ABCB5: variants seen among roughly 807,000 people sequenced by gnomAD.
ABCB5 encodes ATP-binding cassette sub-family B member 5.
In ABCB5, 155 loss-of-function variants were observed where a neutral mutation model predicts 144.2. That is an observed-to-expected ratio of 1.08 (90% CI 0.94 to 1.23). The LOEUF is 1.23. ABCB5 is among the 50% of genes most tolerant of loss of function. The pLI is 0.00. For synonymous variants in ABCB5, 610 were observed against 528.6 expected (o/e 1.15, Z -2.11); for missense variants, 1,830 against 1,520.8 (o/e 1.20, Z -3.38).
rs564540499 is a variant in ABCB5, at chr7:20,704,307, A to T, written c.2338-417A>T. 3.4e-4 allele frequency among the ~76,000 whole-genome samples: 51 copies of T among 151,622 alleles called. 1 individual carries two copies. Among genetic ancestry groups the T allele is most frequent in the African/African-American group, 1.2e-3 (51 of 41,378 alleles). On this transcript the variant is annotated intron_variant, in intron 19 of 27. Transcript: ENST00000404938. ...GGCCAGGCTGGTCTCGACCCCCTAG[A>T]CTCAATCCTCCCACCTTGGCCTTCC... is the stretch of plus-strand genomic sequence containing the variant.
chr7:20,745,150 T>C lies in ABCB5; in HGVS notation c.3223-82T>C, dbSNP rs544722203. On this transcript the variant is annotated intron_variant, in intron 25 of 27. Coordinates refer to ENST00000404938, the MANE Select transcript of ABCB5 (RefSeq NM_001163941.2). ...AATTCCTATCCTTCTTGTTATGATT[T>C]GTGTGTGTTTGAATACAGTGAACTG... 3 of 1,343,520 alleles carry C rather than the reference T, an allele frequency of 2.2e-6. No homozygotes were observed. The South Asian group carries it at 3.6e-5, about 16-fold the overall frequency. The allele number at this position is 1,343,520 out of a possible 1,614,324, so 83.2% of individuals were successfully genotyped here.
intron 23 of ABCB5, among the ~76,000 whole-genome samples, chr7:20,738,352 T>C (rs2128054094): frequency 6.6e-6 from 1 of 152,360 alleles, no homozygotes; most frequent in African/African-American, 2.4e-5. Context: ...ATTTGCACAC[T>C]TACCATTTTA....
At position 20,623,249 on chromosome 7, in the gene ABCB5, TA is replaced by T; in HGVS notation, c.-21-12del. 1 of 1,392,702 alleles carries T rather than the reference TA, an allele frequency of 7.2e-7. No individual in the cohort carries two copies. The highest frequency in any genetic ancestry group is 1.2e-5 in the South Asian group (1 of 80,732). 86.3% of individuals were successfully genotyped at this position (1,392,702 alleles called of 1,614,324 possible). ...AGTCACATAGCCATAATACATTTGT[TA>T]AAATTGTATTTCAGAAGAAGTAAAT... On this transcript the variant is annotated splice_polypyrimidine_tract_variant and intron_variant, in intron 1 of 27. Coordinates refer to ENST00000404938, the MANE Select transcript of ABCB5 (RefSeq NM_001163941.2).
intron 14 of ABCB5, among the ~76,000 whole-genome samples, chr7:20,664,118 T>C (rs564277505): frequency 1.3e-5 from 2 of 151,826 alleles, no homozygotes; most frequent in East Asian, 1.9e-4. Context: ...AATAAAAGAA[T>C]AGTGACAAAG....
At chr7:20,683,184 A>G (rs952024445) in intron 15 of ABCB5, among the ~76,000 whole-genome samples, 4 of 152,168 alleles carry the variant, frequency 2.6e-5, no homozygotes, top group East Asian at 1.9e-4. Context: ...AACTTTCTCC[A>G]TTGTGCTAAA....
At chr7:20,618,237 T>C (rs1036836441) in intron 1 of ABCB5, among the ~76,000 whole-genome samples, 4 of 152,164 alleles carry the variant, frequency 2.6e-5, no homozygotes, top group African/African-American at 9.7e-5. Flanking sequence ...AACTACTAAC[T>C]TACTTTTTTC....
At chr7:20,663,405 C>T (rs569944925) in intron 14 of ABCB5, among the ~76,000 whole-genome samples, 4 of 152,216 alleles carry the variant, frequency 2.6e-5, no homozygotes, top group African/African-American at 9.6e-5. Context: ...TGGAATACTA[C>T]CAGTTTTTAA....
At chr7:20,647,399 G>A (rs1472252031) in intron 9 of ABCB5, 136 bp from the exon 10 acceptor site, 3 of 1,382,288 alleles carry the variant, frequency 2.2e-6, no homozygotes, top group Non-Finnish European at 2.8e-6. Flanking sequence ...TTTTTATTTG[G>A]TCATATCTTC....
rs148011029 is a variant in ABCB5 at position 20,675,666 on chromosome 7, C to T, written c.1708-5839C>T. Among the ~76,000 whole-genome samples the T allele has an allele frequency of 6.5e-3, 983 of 151,418 alleles. 12 individuals are homozygous for T. Among genetic ancestry groups the T allele is most frequent in the Middle Eastern group, 0.02 (6 of 294 alleles). On this transcript the variant is annotated intron_variant, in intron 14 of 27. Transcript: ENST00000404938. ...AAGCAAAATTAAATAGGTAGGACTACATCAAACAAAAAGCCTCTGCACCAC... is the reference window on the plus strand; with the variant it reads ...AAGCAAAATTAAATAGGTAGGACTATATCAAACAAAAAGCCTCTGCACCAC...
chr7:20,753,527 C>T (rs766752147), intron 27 of ABCB5, 21 bp downstream of exon 27: 30 of 1,604,606 alleles, frequency 1.9e-5, no homozygotes, highest in Non-Finnish European at 2.6e-5. Context: ...TTTCTTTTAT[C>T]TCAGAATATA....
chr7:20,627,757 T>A (rs1468832849), intron 3 of ABCB5, among the ~76,000 whole-genome samples: 1 of 152,188 alleles, frequency 6.6e-6, no homozygotes, highest in Non-Finnish European at 1.5e-5. Context: ...ATCACAAATA[T>A]AATTCATTAC....
intron 26 of ABCB5, among the ~76,000 whole-genome samples, chr7:20,751,257 T>TAA (rs11387863): frequency 1.3e-5 from 2 of 151,830 alleles, no homozygotes; most frequent in African/African-American, 4.8e-5. Flanking sequence ...GGTTCTTTGT[T>TAA]AAAAAACAAA....
chr7:20,622,683 T>C (rs889653989), intron 1 of ABCB5, among the ~76,000 whole-genome samples: 1 of 152,066 alleles, frequency 6.6e-6, no homozygotes, highest in Non-Finnish European at 1.5e-5. Flanking sequence ...TAAGACAAGG[T>C]AAGATCCTCA....
chr7:20,710,103 C>T (rs1386685855), intron 20 of ABCB5, among the ~76,000 whole-genome samples: 1 of 146,936 alleles, frequency 6.8e-6, no homozygotes, highest in African/African-American at 2.5e-5. Flanking sequence ...GGTGGTGGCT[C>T]ACGCCTGTAA....
At chr7:20,696,944 C>T (rs1786438032) in intron 16 of ABCB5, among the ~76,000 whole-genome samples, 1 of 152,084 alleles carries the variant, frequency 6.6e-6, no homozygotes, top group Non-Finnish European at 1.5e-5. Flanking sequence ...AGATAGCCCT[C>T]CTAATTTCCT....
At chr7:20,673,023 C>CA (rs1415561593) in intron 14 of ABCB5, among the ~76,000 whole-genome samples, 1 of 152,066 alleles carries the variant, frequency 6.6e-6, no homozygotes, top group Admixed American at 6.5e-5. Context: ...TCTTAAGTTA[C>CA]ATATGAAGTC....
intron 1 of ABCB5, among the ~76,000 whole-genome samples, chr7:20,618,824 G>C (rs1783747520): frequency 7.8e-6 from 1 of 127,990 alleles, no homozygotes; most frequent in South Asian, 2.4e-4. Context: ...ACCCAGGCTG[G>C]AGTGCAGTGG....
intron 15 of ABCB5, among the ~76,000 whole-genome samples, chr7:20,683,899 C>A (rs1188642508): frequency 6.6e-6 from 1 of 152,078 alleles, no homozygotes; most frequent in Non-Finnish European, 1.5e-5. Flanking sequence ...CTAAAATAAT[C>A]CCGAGAAGCA....
chr7:20,749,765 G>T lies in ABCB5; in HGVS notation c.3430-3595G>T, dbSNP rs575100439. ...GGGAGTAGAATCACTTCTGGCTGGGGGTTCAGAGGAGACCTTTGGAGAATT... is the reference window on the plus strand; with the variant it reads ...GGGAGTAGAATCACTTCTGGCTGGGTGTTCAGAGGAGACCTTTGGAGAATT... On this transcript the variant is annotated intron_variant, in intron 26 of 27. Transcript: ENST00000404938. 2.5e-3 allele frequency among the ~76,000 whole-genome samples: 381 copies of T among 152,076 alleles called. 1 individual carries two copies. Among genetic ancestry groups the T allele is most frequent in the Non-Finnish European group, 4.1e-3 (282 of 67,998 alleles).
Sources: allele counts gnomAD v4.1 joint callset (sites outside exome capture counted in the v4.1 genomes callset), GRCh38; gene constraint gnomAD v4.1.1; transcripts MANE v1.5; gene names NCBI Gene and HGNC (gene_info 2026-07-23, HGNC 2026-07-21).